The following ARID1B variants were observed in gnomAD, a reference collection of about 807,000 sequenced individuals.
The protein encoded by ARID1B is AT-rich interaction domain 1B.
In ARID1B, 30 loss-of-function variants were observed where a neutral mutation model predicts 212.3. The ratio of observed to expected loss-of-function variants is 0.14; its 90% CI spans 0.11 to 0.19. The LOEUF (loss-of-function observed/expected upper bound fraction) is 0.19, where lower values mean the gene tolerates loss of function less well. ARID1B is among the 10% of genes least tolerant of loss of function. The pLI, the probability that ARID1B is intolerant of heterozygous loss-of-function variation, is 1.00. For synonymous variants in ARID1B, 1,402 were observed against 1,301.7 expected (o/e 1.08, Z -1.66); for missense variants, 2,891 against 3,204.0 (o/e 0.90, Z 2.36).
intron 4 of ARID1B, among the ~76,000 whole-genome samples, chr6:157,004,234 A>G (rs1024628610): frequency 6.6e-6 from 1 of 152,200 alleles, no homozygotes; most frequent in African/African-American, 2.4e-5. Context: ...CTACTGATTA[A>G]CATTAGGGCA....
At chr6:156,785,700 C>T (rs1455219343) in intron 1 of ARID1B, among the ~76,000 whole-genome samples, 1 of 152,086 alleles carries the variant, frequency 6.6e-6, no homozygotes, top group Non-Finnish European at 1.5e-5. Context: ...ATATTTTTCT[C>T]TTTCTTTTAA....
intron 15 of ARID1B, among the ~76,000 whole-genome samples, chr6:157,192,877 A>C (rs559901023): frequency 6.6e-6 from 1 of 152,300 alleles, no homozygotes; most frequent in East Asian, 1.9e-4. Context: ...CTGTCAGTAA[A>C]CTTAATGGTG....
chr6:157,068,193 A>G (rs1783799533), intron 4 of ARID1B, among the ~76,000 whole-genome samples: 1 of 152,252 alleles, frequency 6.6e-6, no homozygotes, highest in Non-Finnish European at 1.5e-5. Flanking sequence ...CAATTCGAGC[A>G]AAATTATTAG....
chr6:156,943,575 T>G (rs916628112), intron 4 of ARID1B: 1 of 152,190 alleles, frequency 6.6e-6, no homozygotes, highest in African/African-American at 2.4e-5. Flanking sequence ...ATCTTTCTAC[T>G]TGGTTCGTGA....
intron 2 of ARID1B, among the ~76,000 whole-genome samples, chr6:156,856,799 C>T (rs976100158): frequency 3.8e-5 from 1 of 26,592 alleles, no homozygotes; most frequent in Non-Finnish European, 9.2e-5. Flanking sequence ...GCTGAAAAAC[C>T]CATTCAGTCA....
At chr6:156,867,077 CCTGT>C (rs1785754006) in intron 2 of ARID1B, among the ~76,000 whole-genome samples, 1 of 152,192 alleles carries the variant, frequency 6.6e-6, no homozygotes, top group Non-Finnish European at 1.5e-5. Context: ...TCTTCTGTGA[CCTGT>C]CTTTCAGCCA....
chr6:156,791,423 T>A (rs1272920229), intron 1 of ARID1B, among the ~76,000 whole-genome samples: 1 of 152,218 alleles, frequency 6.6e-6, no homozygotes, highest in Non-Finnish European at 1.5e-5. Flanking sequence ...TTTTCAACAG[T>A]CTCACTTGTT....
chr6:156,835,009 C>T lies in ARID1B; in HGVS notation c.1986+5588C>T, dbSNP rs368562175. Among the ~76,000 whole-genome samples, 27 of 151,276 alleles carry T rather than the reference C, an allele frequency of 1.8e-4. No individual in the cohort carries two copies. The East Asian group carries it at 2.9e-3, about 16-fold the overall frequency. ...CAGCACTTGGGGAGGCTGAGGTGGG[C>T]GGACCACGAGGTCAGGAGATAGATA... is the stretch of plus-strand genomic sequence containing the variant. On this transcript the variant is annotated intron_variant, in intron 2 of 19. Coordinates refer to ENST00000636930, the MANE Select transcript of ARID1B (RefSeq NM_001374828.1).
At chr6:157,186,465 T>C (rs1167203594) in intron 13 of ARID1B, 1 of 470,952 alleles carries the variant, frequency 2.1e-6, no homozygotes, top group South Asian at 1.5e-5. Context: ...CACACAGGCG[T>C]CTGGGGGTCG....
At chr6:156,946,745 T>C (rs1793184579) in intron 4 of ARID1B, among the ~76,000 whole-genome samples, 1 of 152,170 alleles carries the variant, frequency 6.6e-6, no homozygotes, top group African/African-American at 2.4e-5. Flanking sequence ...GTTTTTAATC[T>C]GTGTGACCAG....
At chr6:157,165,037 G>A (rs1345157769) in intron 8 of ARID1B, among the ~76,000 whole-genome samples, 1 of 152,208 alleles carries the variant, frequency 6.6e-6, no homozygotes, top group Non-Finnish European at 1.5e-5. Flanking sequence ...ATTGTCCCTT[G>A]TTTGAAGAAC....
intron 2 of ARID1B, among the ~76,000 whole-genome samples, chr6:156,845,364 C>G (rs902528302): frequency 6.6e-6 from 1 of 152,098 alleles, no homozygotes; most frequent in Admixed American, 6.5e-5. Flanking sequence ...GACCTCAAAC[C>G]CTGTTTTCTG....
intron 4 of ARID1B, among the ~76,000 whole-genome samples, chr6:156,995,959 T>C (rs1778562535): frequency 6.6e-6 from 1 of 152,138 alleles, no homozygotes; most frequent in Non-Finnish European, 1.5e-5. Flanking sequence ...AAGAGTCCTC[T>C]CTCCCTGTGA....
intron 6 of ARID1B, among the ~76,000 whole-genome samples, chr6:157,124,292 A>G (rs1262901282): frequency 6.6e-6 from 1 of 152,254 alleles, no homozygotes; most frequent in Non-Finnish European, 1.5e-5. Context: ...ACTCTATGCC[A>G]GATACCTTGC....
intron 4 of ARID1B, among the ~76,000 whole-genome samples, chr6:156,960,722 A>G (rs1380220109): frequency 1.3e-5 from 2 of 152,234 alleles, no homozygotes; most frequent in African/African-American, 2.4e-5. Flanking sequence ...TACTCTCTGC[A>G]ATAAAAAACA....
Position 156,966,489 on chromosome 6 carries a change from G to T in ARID1B, c.2247+30913G>T, listed in dbSNP as rs186071361. Among the ~76,000 whole-genome samples, 231 of 149,854 alleles carry T rather than the reference G, an allele frequency of 1.5e-3. 11 individuals are homozygous for T. The East Asian group carries it at 0.028, about 18-fold the overall frequency. ...GCTCACTGCAACCTCCGCCTCCCGG[G>T]TTCAAGTGATTCTCCTGCTTCAGCC... On this transcript the variant is annotated intron_variant, in intron 4 of 19. Transcript: ENST00000636930.
At chr6:157,082,521 G>T (rs1271777265) in intron 4 of ARID1B, among the ~76,000 whole-genome samples, 1 of 151,998 alleles carries the variant, frequency 6.6e-6, no homozygotes, top group Non-Finnish European at 1.5e-5. Flanking sequence ...TCTAACAATC[G>T]GATTGAATTT....
chr6:156,868,300 T>C (rs288548), intron 2 of ARID1B, among the ~76,000 whole-genome samples: 22,548 of 152,274 alleles, frequency 0.15, 1,910 homozygotes, highest in Non-Finnish European at 0.19. Flanking sequence ...TGGGTGCTTC[T>C]ATTGTATTGT....
At chr6:156,803,146 C>T (rs536001582) in intron 1 of ARID1B, among the ~76,000 whole-genome samples, 7 of 151,850 alleles carry the variant, frequency 4.6e-5, no homozygotes, top group Non-Finnish European at 7.4e-5. Flanking sequence ...TTCCAAGCAA[C>T]GATGTTTTCT....
Sources: allele counts gnomAD v4.1 joint callset (sites outside exome capture counted in the v4.1 genomes callset), GRCh38; gene constraint gnomAD v4.1.1; transcripts MANE v1.5; gene names NCBI Gene and HGNC (gene_info 2026-07-23, HGNC 2026-07-21).